The following HJURP variants were observed in gnomAD, a reference collection of about 807,000 sequenced individuals.
HJURP encodes the protein 14-3-3-associated AKT substrate.
A neutral mutation model predicts 72.0 loss-of-function variants in HJURP; 49 were observed. That is an observed-to-expected ratio of 0.68 (90% confidence interval 0.54 to 0.86). The LOEUF (loss-of-function observed/expected upper bound fraction) is 0.86. Among genes scored for constraint, HJURP ranks in the 40% least tolerant of loss-of-function variants. The probability of loss-of-function intolerance (pLI) is 0.00; values close to 1 mark genes in which losing one functional copy is unlikely to be tolerated. For missense variants in HJURP, 908 were observed against 936.3 expected (o/e 0.97, Z 0.39); for synonymous variants, 357 against 347.1 (o/e 1.03, Z -0.32).
At chr2:233,845,672 A>G (rs955201753) in intron 6 of HJURP, 56 bp downstream of exon 6, 113 of 1,089,308 alleles carry the variant, frequency 1.0e-4, no homozygotes, top group Admixed American at 3.5e-4. Context: ...CTGTACCTCA[A>G]TGTATTTAGT....
rs1574642148 is a variant in HJURP at position 233,841,239 on chromosome 2, C to A, written c.1541G>T (p.Cys514Phe). The change falls in exon 8 of 9, where the codon TGC (cysteine) becomes TTC (phenylalanine). Residue 514 changes from cysteine to phenylalanine, a missense_variant. Transcript: ENST00000411486. ...TGAAGATGAATCGCTCTTGGGCAGGCACCTACCTGCTTCCAGAGATCTTTT... is the reference window on the plus strand; with the variant it reads ...TGAAGATGAATCGCTCTTGGGCAGGAACCTACCTGCTTCCAGAGATCTTTT... Reference protein sequence around the residue: ...LGKRSLEAGRCLPKSDSSSSL... With the variant: ...LGKRSLEAGRFLPKSDSSSSL... 6.2e-7 allele frequency: 1 copy of A among 1,614,120 alleles called. No individual in the cohort carries two copies. The highest frequency in any genetic ancestry group is 2.2e-5 in the East Asian group (1 of 44,884).
At position 233,841,929 on chromosome 2, in the gene HJURP, G is replaced by A. The variant is rs1574643190; in HGVS notation, c.851C>T (p.Ser284Phe). 1 of 1,614,086 alleles carries A rather than the reference G, an allele frequency of 6.2e-7. No individual in the cohort carries two copies. Among genetic ancestry groups the A allele is most frequent in the African/African-American group, 1.3e-5 (1 of 74,934 alleles). The change falls in exon 8 of 9, where the codon TCC becomes TTC. Residue 284 changes from serine (S) to phenylalanine (F), a missense_variant. By Grantham distance (155) the Ser-to-Phe change is radical. Coordinates refer to ENST00000411486, the MANE Select transcript of HJURP (RefSeq NM_018410.5). ...GTTTTGCATGATGAACGTTTTGGTG[G>A]AGATGATGCTTGATGGCTTTGTGCT... ...LLSTKPSSII[S>F]TKTFIMQNWN...
chr2:233,846,352 T>C lies in HJURP; in HGVS notation c.403-532A>G, dbSNP rs1705362457. ...CTGTAGTCCCAGCTACTTGGGAGGC[T>C]GAGGCAGGAGAATCGCTTGAACCCA... On this transcript the variant is annotated intron_variant, in intron 5 of 8. Transcript: ENST00000411486. This position sits in a 1 kb window ranked among gnomAD's most constrained non-coding sequence, Gnocchi z 4.3. Among the ~76,000 whole-genome samples the C allele has an allele frequency of 6.6e-6, 1 of 152,204 alleles. No individual in the cohort carries two copies. The highest frequency in any genetic ancestry group is 2.4e-5 in the African/African-American group (1 of 41,426).
intron 6 of HJURP, among the ~76,000 whole-genome samples, chr2:233,844,868 A>T (rs10929309): frequency 1.4e-4 from 21 of 151,938 alleles, no homozygotes; most frequent in Non-Finnish European, 2.9e-4. Flanking sequence ...GTACTTCCTA[A>T]GTATTTGGTG....
At chr2:233,851,622 G>C (rs1226208619) in intron 3 of HJURP, among the ~76,000 whole-genome samples, 2 of 152,016 alleles carry the variant, frequency 1.3e-5, no homozygotes, top group African/African-American at 4.8e-5. Flanking sequence ...TTGATGAAGA[G>C]AAGAGTTTGC....
chr2:233,837,542 A>G lies in HJURP; in HGVS notation c.*35T>C. On this transcript the variant is annotated 3_prime_UTR_variant, in exon 9 of 9. Transcript: ENST00000411486. ...AAAACAAAAATACAAACAGAGAGCA[A>G]GTGGGAAGATAAATAACACTCCGAA... is the stretch of plus-strand genomic sequence containing the variant. The G allele has an allele frequency of 7.3e-7, 1 of 1,379,174 alleles. No homozygotes were observed. Among genetic ancestry groups the G allele is most frequent in the South Asian group, 1.2e-5 (1 of 84,362 alleles). The allele number at this position is 1,379,174 out of a possible 1,614,324, so 85.4% of individuals were successfully genotyped here.
Position 233,847,411 on chromosome 2 carries a change from C to G in HJURP, c.388G>C (p.Ala130Pro), listed in dbSNP as rs201329308. Reference protein sequence around the residue: ...DATSDQEESVAWALAPAVPQS... With the variant: ...DATSDQEESVPWALAPAVPQS... Reference sequence around the variant, plus strand: ...GCAGCACTTACTGCTAAGGCCCAAGCAACTGACTCTTCCTGGTCTGACGTG... The same window carrying G: ...GCAGCACTTACTGCTAAGGCCCAAGGAACTGACTCTTCCTGGTCTGACGTG... The change falls in exon 5 of 9, where the codon GCT (alanine) becomes CCT (proline). Residue 130 changes from alanine to proline, a missense_variant. This residue lies in a region of HJURP where 299 missense variants were observed against 286.7 expected (regional missense o/e 1.04). Transcript: ENST00000411486. 1.9e-6 allele frequency: 3 copies of G among 1,613,974 alleles called. No individual in the cohort carries two copies. The African/African-American group carries it at 4.0e-5, about 22-fold the overall frequency.
At chr2:233,838,813 A>G (rs169923) in intron 8 of HJURP, among the ~76,000 whole-genome samples, 71,637 of 152,154 alleles carry the variant, frequency 0.47, 16,979 homozygotes, top group South Asian at 0.55. Context: ...ATGAAGATGT[A>G]GCTGAGATTC....
intron 3 of HJURP, among the ~76,000 whole-genome samples, chr2:233,850,226 C>T (rs1021142916): frequency 2.0e-5 from 3 of 152,208 alleles, no homozygotes; most frequent in African/African-American, 4.8e-5. Context: ...AGGTCATCAG[C>T]GAGAACAGAG....
chr2:233,853,705 A>T, intron 2 of HJURP, 139 bp downstream of exon 2: 1 of 610,304 alleles, frequency 1.6e-6, no homozygotes, highest in Non-Finnish European at 2.9e-6. Flanking sequence ...CAAGTAATTT[A>T]CAGGTTTAAG....
intron 8 of HJURP, among the ~76,000 whole-genome samples, chr2:233,838,981 C>T (rs1032361916): frequency 2.6e-5 from 4 of 152,118 alleles, no homozygotes; most frequent in South Asian, 2.1e-4. Flanking sequence ...GGAGGAGCTC[C>T]GAGGGCCCTG....
chr2:233,840,848 C>T lies in HJURP; in HGVS notation c.1932G>A (p.Leu644=). 3 of 1,614,114 alleles carry T rather than the reference C, an allele frequency of 1.9e-6. No individual in the cohort carries two copies. Among genetic ancestry groups the T allele is most frequent in the Non-Finnish European group, 2.5e-6 (3 of 1,180,022 alleles). The part of the protein sequence containing the change: ...QGFQKLPSSP[L]GCRKSLLGST... ...AGCCCAGTAGACTTTTTCTGCACCC[C>T]AGGGGTGATGATGGCAACTTCTGGA... Residue 644 remains leucine (L), a synonymous_variant, in exon 8 of 9, where the codon CTG becomes CTA. Coordinates refer to ENST00000411486, the MANE Select transcript of HJURP (RefSeq NM_018410.5).
chr2:233,837,725 TTAAC>T (rs939741417), intron 8 of HJURP, 73 bp from the exon 9 acceptor site: 1 of 947,830 alleles, frequency 1.1e-6, no homozygotes, highest in African/African-American at 1.6e-5. Context: ...CACTAAAAGG[TTAAC>T]TGTTTTCTAC....
Position 233,853,926 on chromosome 2 carries a change from G to A in HJURP, c.118-16C>T. 3.1e-6 allele frequency: 5 copies of A among 1,612,482 alleles called. No homozygotes were observed. The highest frequency in any genetic ancestry group is 4.2e-6 in the Non-Finnish European group (5 of 1,179,048). ...GCTGGTTGTACTGCGGAGGAGGAAG[G>A]GGCTTCCTGTCAGGTTCCAGGGCCA... On this transcript the variant is annotated splice_polypyrimidine_tract_variant and intron_variant, in intron 1 of 8. Coordinates refer to ENST00000411486, the MANE Select transcript of HJURP (RefSeq NM_018410.5).
At chr2:233,845,678 T>G (rs1271744691) in intron 6 of HJURP, 50 bp downstream of exon 6, 1 of 1,161,562 alleles carries the variant, frequency 8.6e-7, no homozygotes, top group African/African-American at 1.5e-5. Flanking sequence ...CTCAATGTAT[T>G]TAGTTTATGA....
rs1011019450 is a variant in HJURP at position 233,847,387 on chromosome 2, C to T, written c.402+10G>A. On this transcript the variant is annotated intron_variant, in intron 5 of 8. Coordinates refer to ENST00000411486, the MANE Select transcript of HJURP (RefSeq NM_018410.5). ...CCCTCTGTCCATTCATTACTAAAGGCAGCACTTACTGCTAAGGCCCAAGCA... is the reference window on the plus strand; with the variant it reads ...CCCTCTGTCCATTCATTACTAAAGGTAGCACTTACTGCTAAGGCCCAAGCA... 2 of 1,610,016 alleles carry T rather than the reference C, an allele frequency of 1.2e-6. No individual in the cohort carries two copies. Among genetic ancestry groups the T allele is most frequent in the Admixed American group, 1.7e-5 (1 of 60,000 alleles).
Position 233,847,463 on chromosome 2 carries a change from TAA to T in HJURP, c.338-4_338-3del, listed in dbSNP as rs1269480220. On this transcript the variant is annotated splice_polypyrimidine_tract_variant and splice_region_variant and intron_variant, in intron 4 of 8. Coordinates refer to ENST00000411486, the MANE Select transcript of HJURP (RefSeq NM_018410.5). ...CATCGACCTCACCGCTTTTTGAATC[TAA>T]AAGTCAAACAAGTAAATCTCAATCA... 5 of 1,613,198 alleles carry T rather than the reference TAA, an allele frequency of 3.1e-6. No individual in the cohort carries two copies. Among genetic ancestry groups the T allele is most frequent in the Non-Finnish European group, 4.2e-6 (5 of 1,179,226 alleles).
intron 2 of HJURP, 28 bp from the exon 3 acceptor site, chr2:233,852,648 T>G (rs1374576924): frequency 1.3e-6 from 2 of 1,540,672 alleles, no homozygotes; most frequent in Admixed American, 3.3e-5. Flanking sequence ...AAATGACCAT[T>G]TACATAATCC....
chr2:233,849,619 C>T, intron 4 of HJURP, 144 bp downstream of exon 4: 3 of 596,850 alleles, frequency 5.0e-6, no homozygotes, highest in Non-Finnish European at 8.9e-6. Context: ...CAACAGGGTA[C>T]TTTAACATGA....
Sources: gnomAD v4.1 joint callset for allele counts (sites outside exome capture counted in the v4.1 genomes callset) on GRCh38, gnomAD v4.1.1 for gene constraint, gnomAD v4.1.1 regional missense constraint, Gnocchi (gnomAD v3.1) non-coding constraint, MANE v1.5 for transcripts, NCBI Gene and HGNC (gene_info 2026-07-23, HGNC 2026-07-21) for gene names.